Variants in ENO4 observed in about 807,000 individuals in gnomAD.
The protein encoded by ENO4 is enolase 4.
In ENO4, 53 loss-of-function variants were observed where a neutral mutation model predicts 63.2. The observed-to-expected ratio is 0.84, with a 90% CI of 0.67 to 1.05. The LOEUF is 1.05. ENO4 is among the 50% of genes least tolerant of loss of function. The pLI is 0.00. For missense variants in ENO4, 719 were observed against 772.0 expected, an observed-to-expected ratio of 0.93 and a Z score of 0.81; for synonymous variants, 266 against 283.8, an observed-to-expected ratio of 0.94 and a Z score of 0.63.
Position 116,910,715 on chromosome 10 carries a change from T to C in ENO4, c.1195-784T>C, listed in dbSNP as rs145806593. 3.7e-3 allele frequency among the ~76,000 whole-genome samples: 568 copies of C among 152,334 alleles called. 4 individuals are homozygous for C. Among genetic ancestry groups the C allele is most frequent in the African/African-American group, 0.013 (536 of 41,580 alleles). ...ACAAACACAACAAAAGAGACTGTCA[T>C]AGGGAGTTCTCCTTAATAGAACACT... On this transcript the variant is annotated intron_variant, in intron 10 of 10. Coordinates refer to the ENO4 transcript ENST00000369207.
At chr10:116,862,349 A>G (rs1020393274) in intron 6 of ENO4, among the ~76,000 whole-genome samples, 2 of 152,130 alleles carry the variant, frequency 1.3e-5, no homozygotes, top group African/African-American at 4.8e-5. Flanking sequence ...CTGTCATCCC[A>G]GCTACTTGGG....
At chr10:116,879,109 A>T (rs11197841) in intron 11 of ENO4, among the ~76,000 whole-genome samples, 182 bp from the exon 12 acceptor site, 7,389 of 152,288 alleles carry the variant, frequency 0.049, 251 homozygotes, top group South Asian at 0.11. Context: ...AGCTACTGAA[A>T]TTGGGGGTAA....
chr10:116,894,005 C>A (rs1050153552), intron 10 of ENO4, among the ~76,000 whole-genome samples: 1 of 152,130 alleles, frequency 6.6e-6, no homozygotes, highest in African/African-American at 2.4e-5. Context: ...ATCAGAAATA[C>A]TGAATGAAGA....
intron 10 of ENO4, chr10:116,906,696 CA>C: frequency 6.2e-7 from 1 of 1,613,448 alleles, no homozygotes; most frequent in Non-Finnish European, 8.5e-7. Flanking sequence ...TCACTGTTTT[CA>C]GGGTCAAGGG....
At chr10:116,910,823 G>A (rs1210869495) in intron 10 of ENO4, among the ~76,000 whole-genome samples, 1 of 152,170 alleles carries the variant, frequency 6.6e-6, no homozygotes, top group Non-Finnish European at 1.5e-5. Context: ...TATTCTGTAG[G>A]TAGGCCACCA....
intron 10 of ENO4, among the ~76,000 whole-genome samples, chr10:116,875,068 CCCAA>C (rs779356934): frequency 5.5e-4 from 84 of 152,242 alleles, no homozygotes; most frequent in Non-Finnish European, 9.4e-4. Flanking sequence ...CCATCTTTCC[CCCAA>C]CCAACTTACA....
intron 10 of ENO4, among the ~76,000 whole-genome samples, chr10:116,911,052 T>C (rs1848170672): frequency 6.6e-6 from 1 of 152,218 alleles, no homozygotes; most frequent in Non-Finnish European, 1.5e-5. Context: ...GCCCCCATGT[T>C]TGTTGACTTA....
chr10:116,865,540 T>A (rs1332057281), intron 7 of ENO4, among the ~76,000 whole-genome samples: 1 of 152,228 alleles, frequency 6.6e-6, no homozygotes, highest in Non-Finnish European at 1.5e-5. Flanking sequence ...GCCTTTAAAT[T>A]GTATGATATG....
At chr10:116,879,838 CG>C in intron 12 of ENO4, 30 bp from the exon 13 acceptor site, 1 of 1,477,150 alleles carries the variant, frequency 6.8e-7, no homozygotes, top group Non-Finnish European at 9.2e-7. Context: ...ATGGCTCCTC[CG>C]TCTAAAATTA....
rs1031190091 is a variant in ENO4 at position 116,872,378 on chromosome 10, A to G, written c.1215+1086A>G. 3.3e-4 allele frequency among the ~76,000 whole-genome samples: 50 copies of G among 152,122 alleles called. 1 individual carries two copies. Among genetic ancestry groups the G allele is most frequent in the Non-Finnish European group, 8.8e-5 (6 of 68,030 alleles). On this transcript the variant is annotated intron_variant, in intron 9 of 13. Coordinates refer to ENST00000341276, the MANE Select transcript of ENO4 (RefSeq NM_001242699.2). ...ATTCGCATCTTGAATTGTAGCTCCCATGATTCCCATGTATCATGGGAGGTA... is the reference window on the plus strand; with the variant it reads ...ATTCGCATCTTGAATTGTAGCTCCCGTGATTCCCATGTATCATGGGAGGTA...
chr10:116,879,314 G>A lies in ENO4; in HGVS notation c.1561G>A (p.Gly521Arg), dbSNP rs1846930974. ...AGGTAAGAAGCACATCACTGTCTTT[G>A]GAAGTACAGAAGGAGAATCATCTGA... ...IDSKKHITVF[G>R]STEGESSDDS... The change falls in exon 12 of 14, where the codon GGA (glycine) becomes AGA (arginine). Residue 521 changes from glycine to arginine, a missense_variant. Physicochemically the swap from Gly to Arg is moderately radical, Grantham distance 125. Around this residue, in one of 3 missense-constraint regions of ENO4, gnomAD observed 168 missense variants for 163.3 expected, o/e 1.03. Transcript: ENST00000341276. The A allele has an allele frequency of 6.4e-7, 1 of 1,550,594 alleles. No homozygotes were observed. The highest frequency in any genetic ancestry group is 8.7e-7 in the Non-Finnish European group (1 of 1,146,842).
intron 10 of ENO4, among the ~76,000 whole-genome samples, chr10:116,899,506 G>GGGGT (rs1554906586): frequency 7.2e-5 from 9 of 124,582 alleles, no homozygotes; most frequent in African/African-American, 2.6e-4. Context: ...GGCTGGGGCT[G>GGGGT]GTGTGTGTGT....
chr10:116,868,427 CTA>C, intron 7 of ENO4: 2 of 670,726 alleles, frequency 3.0e-6, no homozygotes, highest in East Asian at 5.5e-5. Flanking sequence ...TAAGGATGAA[CTA>C]AAGGAAACAC....
intron 9 of ENO4, 22 bp from the exon 10 acceptor site, chr10:116,874,051 TTAA>T (rs1846767329): frequency 6.6e-7 from 1 of 1,517,924 alleles, no homozygotes; most frequent in Admixed American, 2.0e-5. Context: ...ATCCCTTATT[TTAA>T]TATTTTCCTG....
rs112460241 is a variant in ENO4, at chr10:116,868,899, C to A, written c.1047+193C>A. Among the ~76,000 whole-genome samples the A allele has an allele frequency of 9.9e-5, 15 of 152,132 alleles. No individual in the cohort carries two copies. In the East Asian group the frequency reaches 2.9e-3, roughly 29 times the overall value. On this transcript the variant is annotated intron_variant, in intron 8 of 13. Coordinates refer to ENST00000341276, the MANE Select transcript of ENO4 (RefSeq NM_001242699.2). ...CCCTGCCTTCCAGCAACAGGCTGCCCGACCATCGCTGGCAGCAGCTGTCTG... is the reference window on the plus strand; with the variant it reads ...CCCTGCCTTCCAGCAACAGGCTGCCAGACCATCGCTGGCAGCAGCTGTCTG...
chr10:116,880,233 GAATT>G (rs1310121826), intron 13 of ENO4, among the ~76,000 whole-genome samples: 2 of 152,194 alleles, frequency 1.3e-5, no homozygotes, highest in Admixed American at 6.5e-5. Context: ...CTCTTCAATA[GAATT>G]AATTGATTGG....
chr10:116,867,421 CAAAAAA>C (rs35426438), intron 7 of ENO4, among the ~76,000 whole-genome samples: 1 of 137,756 alleles, frequency 7.3e-6, no homozygotes, highest in Non-Finnish European at 1.5e-5. Flanking sequence ...AAATATTTAC[CAAAAAA>C]AAAAAAAAAA....
rs1385124648 is a variant in ENO4, at chr10:116,858,971, A to G, written c.486-19A>G. Reference sequence around the variant, plus strand: ...TTCCTAAATATCCCACTGTAAAGCCATATTTTCTTGCTATTAAGGATATTC... The same window carrying G: ...TTCCTAAATATCCCACTGTAAAGCCGTATTTTCTTGCTATTAAGGATATTC... On this transcript the variant is annotated intron_variant, in intron 3 of 13. Transcript: ENST00000341276. The G allele has an allele frequency of 2.7e-6, 4 of 1,506,050 alleles. No homozygotes were observed. Among genetic ancestry groups the G allele is most frequent in the South Asian group, 2.4e-5 (2 of 82,578 alleles). The allele number at this position is 1,506,050 out of a possible 1,614,324, so 93.3% of individuals were successfully genotyped here. A position where few individuals can be genotyped will look rare whatever the true frequency, so the allele number is the denominator to read the frequency against.
intron 9 of ENO4, chr10:116,873,779 C>G: frequency 2.7e-6 from 2 of 729,390 alleles, no homozygotes; most frequent in Non-Finnish European, 3.4e-6. Flanking sequence ...GCAGCCAAGT[C>G]TAACAGATTA....
Sources: allele counts gnomAD v4.1 joint callset (sites outside exome capture counted in the v4.1 genomes callset), GRCh38; gene constraint gnomAD v4.1.1; regional missense constraint gnomAD v4.1.1; transcripts MANE v1.5; gene names NCBI Gene and HGNC (gene_info 2026-07-23, HGNC 2026-07-21).